The following SLC26A5 variants were observed in gnomAD, a reference collection of about 807,000 sequenced individuals.
The protein encoded by SLC26A5 is solute carrier family 26 member 5, also known as prestin.
SLC26A5 carries 51 observed loss-of-function variants against 81.0 expected under a neutral mutation model. The ratio of observed to expected loss-of-function variants is 0.63; its 90% CI spans 0.50 to 0.80. The LOEUF is 0.80. SLC26A5 is among the 30% of genes least tolerant of loss of function. The pLI is 0.00. For synonymous variants in SLC26A5, 325 were observed against 332.8 expected (o/e 0.98, Z 0.25); for missense variants, 771 against 905.8 (o/e 0.85, Z 1.91).
intron 19 of SLC26A5, chr7:103,362,888 G>C: frequency 1.5e-6 from 1 of 673,048 alleles, no homozygotes; most frequent in Non-Finnish European, 2.5e-6. Flanking sequence ...CTGCCTCCCG[G>C]GTTCAAGCAA....
intron 19 of SLC26A5, chr7:103,363,523 A>G: frequency 8.4e-7 from 1 of 1,185,606 alleles, no homozygotes; most frequent in Non-Finnish European, 1.2e-6. Context: ...TGTATATTAG[A>G]TGGCTTTTAA....
chr7:103,378,365 T>C (rs1418013677), intron 17 of SLC26A5, 81 bp downstream of exon 17: 2 of 1,379,872 alleles, frequency 1.4e-6, no homozygotes. Context: ...TCGTGCTGTG[T>C]TTAAACTTCA....
chr7:103,354,400 C>T (rs958592384), intron 19 of SLC26A5, among the ~76,000 whole-genome samples: 61 of 138,782 alleles, frequency 4.4e-4, no homozygotes, highest in Non-Finnish European at 7.3e-4. Flanking sequence ...CGGAGTGTTG[C>T]TCTTGTCACC....
At chr7:103,382,346 C>CTTTT (rs755840628) in intron 14 of SLC26A5, among the ~76,000 whole-genome samples, 7 of 114,334 alleles carry the variant, frequency 6.1e-5, no homozygotes, top group African/African-American at 1.7e-4. Context: ...GCCCTATTTC[C>CTTTT]TTTTTTTTTT....
In SLC26A5 at chr7:103,421,403, C is replaced by CCTTG. The variant is rs771850560; in HGVS notation, c.108_111dup (p.Val38GlnfsTer4). The CCTTG allele has an allele frequency of 6.2e-7, 1 of 1,614,080 alleles. No individual in the cohort carries two copies. On this transcript the variant is annotated frameshift_variant, in exon 3 of 20. Transcript: ENST00000306312. LOFTEE classifies it high-confidence loss of function. ...AGCTTATCCGCAATGGAATCAGGAA[C>CCTTG]CTTGTCCTTTGTGTGTAGTCTTTCC... is the stretch of plus-strand genomic sequence containing the variant.
chr7:103,436,027 A>C (rs975480760), intron 2 of SLC26A5, among the ~76,000 whole-genome samples: 2 of 152,134 alleles, frequency 1.3e-5, no homozygotes, highest in African/African-American at 4.8e-5. Context: ...TGTATGGAGA[A>C]AGTTTTGAAA....
intron 2 of SLC26A5, among the ~76,000 whole-genome samples, chr7:103,436,026 A>G (rs1178138572): frequency 6.6e-6 from 1 of 152,070 alleles, no homozygotes; most frequent in African/African-American, 2.4e-5. Flanking sequence ...GTGTATGGAG[A>G]AAGTTTTGAA....
intron 2 of SLC26A5, among the ~76,000 whole-genome samples, chr7:103,432,349 T>A (rs1826143557): frequency 6.6e-6 from 1 of 152,264 alleles, no homozygotes; most frequent in South Asian, 2.1e-4. Flanking sequence ...GGAATTTCTA[T>A]TTGACATTTG....
chr7:103,370,265 A>T (rs1820953714), downstream of SLC26A5, among the ~76,000 whole-genome samples: 1 of 152,094 alleles, frequency 6.6e-6, no homozygotes, highest in Admixed American at 6.6e-5. Flanking sequence ...GGCTCACACC[A>T]AGGAAGTTCG....
intron 2 of SLC26A5, among the ~76,000 whole-genome samples, chr7:103,424,285 C>T (rs144249706): frequency 2.0e-5 from 3 of 152,236 alleles, no homozygotes; most frequent in African/African-American, 7.2e-5. Context: ...TGGGCCTATG[C>T]ATGTTACTTG....
chr7:103,372,347 G>A (rs1296379944), downstream of SLC26A5, among the ~76,000 whole-genome samples: 1 of 152,214 alleles, frequency 6.6e-6, no homozygotes. Context: ...ACTGGGATCT[G>A]ACTACTTTCT....
Position 103,389,024 on chromosome 7 carries a change from T to A in SLC26A5, c.1498A>T (p.Ile500Phe). 1 of 1,612,004 alleles carries A rather than the reference T, an allele frequency of 6.2e-7. No homozygotes were observed. Among genetic ancestry groups the A allele is most frequent in the Non-Finnish European group, 8.5e-7 (1 of 1,178,356 alleles). The stretch of plus-strand genomic sequence containing the variant: ...GGCACTCACCTCTGTGTTCTGTAAA[T>A]CACAGTCAGCAGAGCAATGATCACA... The part of the protein sequence containing the change: ...TAVIIALLTV[I>F]YRTQSPSYKV... Residue 500 changes from isoleucine (I) to phenylalanine (F), a missense_variant, in exon 14 of 20, where the codon ATT (isoleucine) becomes TTT (phenylalanine). Ile to Phe is a conservative substitution (Grantham distance 21, BLOSUM62 0). Coordinates refer to ENST00000306312, the MANE Select transcript of SLC26A5 (RefSeq NM_198999.3).
intron 19 of SLC26A5, among the ~76,000 whole-genome samples, chr7:103,361,510 C>CAAAAAAAA (rs759044767): frequency 2.6e-3 from 133 of 50,836 alleles, no homozygotes; most frequent in African/African-American, 3.0e-3. Flanking sequence ...AACTCCATCT[C>CAAAAAAAA]AAAAAAAAAA....
Position 103,415,847 on chromosome 7 carries a change from C to T in SLC26A5, c.293-2735G>A, listed in dbSNP as rs181078055. Among the ~76,000 whole-genome samples the T allele has an allele frequency of 8.5e-5, 13 of 152,104 alleles. No individual in the cohort carries two copies. In the East Asian group the frequency reaches 2.3e-3, roughly 27 times the overall value. On this transcript the variant is annotated intron_variant, in intron 4 of 19. Coordinates refer to ENST00000306312, the MANE Select transcript of SLC26A5 (RefSeq NM_198999.3). ...GTCTGAAAACACATGTATTTCATTCCTGGGGATTACTCTTTGATCATTTCT... is the reference window on the plus strand; with the variant it reads ...GTCTGAAAACACATGTATTTCATTCTTGGGGATTACTCTTTGATCATTTCT...
intron 4 of SLC26A5, among the ~76,000 whole-genome samples, chr7:103,417,355 C>A (rs1394560237): frequency 1.5e-5 from 2 of 135,166 alleles, no homozygotes; most frequent in Admixed American, 8.2e-5. Context: ...GCCAATAGAG[C>A]GAGACTCTGT....
At chr7:103,354,223 C>T (rs1052380643) in intron 19 of SLC26A5, among the ~76,000 whole-genome samples, 4 of 151,956 alleles carry the variant, frequency 2.6e-5, no homozygotes, top group South Asian at 2.1e-4. Flanking sequence ...TAATACTATT[C>T]GTGATTAAAA....
At chr7:103,369,454 C>T (rs1002980756), downstream of SLC26A5, 1 of 152,200 alleles carries the variant, frequency 6.6e-6, no homozygotes, top group Non-Finnish European at 1.5e-5. Flanking sequence ...TTAAAGACAA[C>T]TCGAATTAGA....
At chr7:103,384,338 C>T (rs565249803) in intron 14 of SLC26A5, among the ~76,000 whole-genome samples, 75 of 151,512 alleles carry the variant, frequency 5.0e-4, no homozygotes, top group African/African-American at 1.5e-3. Flanking sequence ...TGAGGCTGGG[C>T]GCGGTGGCTC....
chr7:103,390,600 G>A (rs1822564209), intron 11 of SLC26A5, 94 bp from the exon 12 acceptor site: 1 of 962,420 alleles, frequency 1.0e-6, no homozygotes, highest in African/African-American at 1.6e-5. Flanking sequence ...ATTACTATGG[G>A]AAGATCAAGA....
Sources: allele counts gnomAD v4.1 joint callset (sites outside exome capture counted in the v4.1 genomes callset), GRCh38; gene constraint gnomAD v4.1.1; transcripts MANE v1.5; gene names NCBI Gene and HGNC (gene_info 2026-07-23, HGNC 2026-07-21).